Variants in NID1 observed in about 807,000 individuals in gnomAD.
NID1 encodes the protein nidogen-1.
In NID1, 76 loss-of-function variants were observed where a neutral mutation model predicts 130.6. The ratio of observed to expected loss-of-function variants is 0.58; its 90% CI spans 0.48 to 0.70. NID1 has a LOEUF of 0.70. Ranked by LOEUF, NID1 falls within the 30% of genes least tolerant of loss-of-function variation. The pLI, the probability that NID1 is intolerant of heterozygous loss-of-function variation, is 0.00. For missense variants in NID1, 1,517 were observed against 1,664.8 expected, an observed-to-expected ratio of 0.91 and a Z score of 1.54; for synonymous variants, 665 against 675.1, an observed-to-expected ratio of 0.98 and a Z score of 0.23.
In NID1 at chr1:235,993,641, T is replaced by G. The variant is rs1275778031; in HGVS notation, c.2755+4A>C. 1.0e-5 allele frequency: 16 copies of G among 1,536,534 alleles called. No individual in the cohort carries two copies. The highest frequency in any genetic ancestry group is 1.4e-5 in the Non-Finnish European group (16 of 1,133,916). On this transcript the variant is annotated splice_donor_region_variant and intron_variant, in intron 13 of 19. Transcript: ENST00000264187. Reference sequence around the variant, plus strand: ...ACGCCCAAGCACGGCCTGCACCCACTTACACGGGGGCGTCATCCCGGGCCT... The same window carrying G: ...ACGCCCAAGCACGGCCTGCACCCACGTACACGGGGGCGTCATCCCGGGCCT...
At chr1:236,038,058 C>A in intron 5 of NID1, 46 bp downstream of exon 5, 1 of 1,560,198 alleles carries the variant, frequency 6.4e-7, no homozygotes, top group Non-Finnish European at 8.7e-7. Flanking sequence ...ACAAAAACTC[C>A]GCTCCTCCTT....
chr1:235,977,572 T>A lies in NID1; in HGVS notation c.*295A>T, dbSNP rs1382508664. On this transcript the variant is annotated 3_prime_UTR_variant, in exon 20 of 20. Transcript: ENST00000264187. ...CTGGGGGGCTAGTATTGGGAAAAGG[T>A]CCTAGGACACTGGGATGGGCATGTA... 2 of 332,724 alleles carry A rather than the reference T, an allele frequency of 6.0e-6. No individual in the cohort carries two copies. Among genetic ancestry groups the A allele is most frequent in the Admixed American group, 9.2e-5 (2 of 21,734 alleles). 20.6% of individuals were successfully genotyped at this position (332,724 alleles called of 1,614,324 possible).
At chr1:236,023,971 G>T in intron 9 of NID1, 99 bp downstream of exon 9, 1 of 1,480,776 alleles carries the variant, frequency 6.8e-7, no homozygotes, top group East Asian at 2.3e-5. Flanking sequence ...TATCTCATCC[G>T]TGCTTCCTTG....
intron 13 of NID1, among the ~76,000 whole-genome samples, chr1:235,993,336 C>T (rs919114879): frequency 3.3e-5 from 5 of 152,208 alleles, no homozygotes; most frequent in South Asian, 2.1e-4. Context: ...CACACACAGC[C>T]GCTCTGCTAC....
intron 1 of NID1, among the ~76,000 whole-genome samples, chr1:236,062,256 C>T (rs1186708006): frequency 6.6e-6 from 1 of 152,198 alleles, no homozygotes; most frequent in Non-Finnish European, 1.5e-5. Context: ...ACCAGGTCTC[C>T]CTCCTTCTTT....
chr1:235,980,895 A>G (rs980427396), intron 16 of NID1, among the ~76,000 whole-genome samples: 8 of 152,248 alleles, frequency 5.3e-5, no homozygotes, highest in Admixed American at 3.3e-4. Flanking sequence ...CATAACTGAC[A>G]TATAATATCT....
At chr1:236,063,867 C>G (rs1026942334) in intron 1 of NID1, among the ~76,000 whole-genome samples, 11 of 152,196 alleles carry the variant, frequency 7.2e-5, no homozygotes, top group Admixed American at 7.2e-4. Context: ...GGCAGTCAAC[C>G]AACATGGGGG....
At chr1:236,021,056 G>A (rs1349188502) in intron 9 of NID1, among the ~76,000 whole-genome samples, 8 of 152,182 alleles carry the variant, frequency 5.3e-5, no homozygotes, top group East Asian at 1.9e-4. Flanking sequence ...GGTTACTTCT[G>A]CACCTTATTA....
In NID1 at chr1:236,033,766, C is replaced by A. The variant is rs1351755814; in HGVS notation, c.1286-1114G>T. 1.3e-5 allele frequency among the ~76,000 whole-genome samples: 2 copies of A among 152,184 alleles called. 1 individual carries two copies. The highest frequency in any genetic ancestry group is 4.1e-4 in the South Asian group (2 of 4,834). ...GGGGAAAACTGCTAACAATGGTTAA[C>A]TCAGGGCAAACGTGGTGAATTCATT... On this transcript the variant is annotated intron_variant, in intron 5 of 19. Coordinates refer to ENST00000264187, the MANE Select transcript of NID1 (RefSeq NM_002508.3).
chr1:235,977,672 T>C lies in NID1; in HGVS notation c.*195A>G. The C allele has an allele frequency of 1.7e-6, 1 of 580,896 alleles. No individual in the cohort carries two copies. The highest frequency in any genetic ancestry group is 3.0e-6 in the Non-Finnish European group (1 of 328,192). 36.0% of individuals were successfully genotyped at this position (580,896 alleles called of 1,614,324 possible). On this transcript the variant is annotated 3_prime_UTR_variant, in exon 20 of 20. Coordinates refer to ENST00000264187, the MANE Select transcript of NID1 (RefSeq NM_002508.3). ...GGAGGGTTCTGTCCTTGTGTAGGGGTGGAGACTTTTCTATTAGAGAAGTCC... is the reference window on the plus strand; with the variant it reads ...GGAGGGTTCTGTCCTTGTGTAGGGGCGGAGACTTTTCTATTAGAGAAGTCC...
At chr1:236,029,840 C>T (rs910959615) in intron 6 of NID1, 90 bp from the exon 7 acceptor site, 20 of 1,257,248 alleles carry the variant, frequency 1.6e-5, no homozygotes, top group African/African-American at 8.8e-5. Flanking sequence ...GGGGTTGGTG[C>T]GAACGCTTCT....
chr1:236,042,027 C>T lies in NID1; in HGVS notation c.1018G>A (p.Glu340Lys), dbSNP rs540809930. Residue 340 changes from glutamate (E) to lysine (K), a missense_variant, in exon 4 of 20, where the codon GAA (glutamate) becomes AAA (lysine). This residue lies in a region of NID1 where 1,329 missense variants were observed against 1,429.2 expected (regional missense o/e 0.93). Coordinates refer to ENST00000264187, the MANE Select transcript of NID1 (RefSeq NM_002508.3). Reference sequence around the variant, plus strand: ...TCTGTGGGAGGTCCAAGGGGCCTTTCGGTAGCTGCCCGGCGCGGGGAGAGG... The same window carrying T: ...TCTGTGGGAGGTCCAAGGGGCCTTTTGGTAGCTGCCCGGCGCGGGGAGAGG... ...SVLSPRRAAT[E>K]RPLGPPTERT... is the part of the protein sequence containing the mutation. 1.1e-4 allele frequency: 172 copies of T among 1,614,162 alleles called. 2 individuals are homozygous for T. In the South Asian group the frequency reaches 1.6e-3, roughly 15 times the overall value.
At chr1:236,016,896 A>G (rs1007584460) in intron 10 of NID1, among the ~76,000 whole-genome samples, 9 of 152,220 alleles carry the variant, frequency 5.9e-5, no homozygotes, top group African/African-American at 2.2e-4. Flanking sequence ...TAAGAGGCAA[A>G]TGTAATGCAA....
intron 10 of NID1, 23 bp downstream of exon 10, chr1:236,017,125 G>A (rs763528470): frequency 5.6e-6 from 9 of 1,613,624 alleles, no homozygotes; most frequent in African/African-American, 2.7e-5. Flanking sequence ...ATACTGTTTC[G>A]AAAAGTTACC....
chr1:236,034,650 C>T (rs1473198163), intron 5 of NID1, among the ~76,000 whole-genome samples: 2 of 152,018 alleles, frequency 1.3e-5, no homozygotes, highest in Admixed American at 1.3e-4. Context: ...TTTGAGAAAT[C>T]AAGAGTGACT....
chr1:236,024,247 C>G lies in NID1; in HGVS notation c.1985-34G>C. On this transcript the variant is annotated intron_variant, in intron 8 of 19. Transcript: ENST00000264187. ...ACAGAGACATTGGAACCAAGTGAGTCTTCAGGAGCTCTTGCAGGTTTCCTC... is the reference window on the plus strand; with the variant it reads ...ACAGAGACATTGGAACCAAGTGAGTGTTCAGGAGCTCTTGCAGGTTTCCTC... The G allele has an allele frequency of 1.9e-6, 3 of 1,609,602 alleles. No homozygotes were observed. In the South Asian group the frequency reaches 3.3e-5, roughly 18 times the overall value.
rs1297676707 is a variant in NID1 at position 235,977,605 on chromosome 1, C to G, written c.*262G>C. On this transcript the variant is annotated 3_prime_UTR_variant, in exon 20 of 20. Coordinates refer to ENST00000264187, the MANE Select transcript of NID1 (RefSeq NM_002508.3). ...CACTGGGATGGGCATGTAATCCTCA[C>G]TCAGGGGTGTATAAGTCTGTCTGAG... 1 of 423,052 alleles carries G rather than the reference C, an allele frequency of 2.4e-6. No homozygotes were observed. Among genetic ancestry groups the G allele is most frequent in the East Asian group, 4.6e-5 (1 of 21,550 alleles). 26.2% of individuals were successfully genotyped at this position (423,052 alleles called of 1,614,324 possible).
At chr1:236,043,544 A>C (rs757450349) in intron 3 of NID1, among the ~76,000 whole-genome samples, 1 of 152,030 alleles carries the variant, frequency 6.6e-6, no homozygotes, top group East Asian at 1.9e-4. Flanking sequence ...CACACCTGTA[A>C]TCCCAGCACT....
chr1:236,018,756 T>A (rs1178325630), intron 9 of NID1, among the ~76,000 whole-genome samples: 1 of 152,252 alleles, frequency 6.6e-6, no homozygotes, highest in Non-Finnish European at 1.5e-5. Context: ...AATTTAGACA[T>A]GTTTTAGACC....
Sources: gnomAD v4.1 joint callset for allele counts (sites outside exome capture counted in the v4.1 genomes callset) on GRCh38, gnomAD v4.1.1 for gene constraint, gnomAD v4.1.1 regional missense constraint, MANE v1.5 for transcripts, NCBI Gene and HGNC (gene_info 2026-07-23, HGNC 2026-07-21) for gene names.